RABGAP1L: variants seen among roughly 807,000 people sequenced by gnomAD.
RABGAP1L encodes the protein rab GTPase-activating protein 1-like.
In RABGAP1L, 63 loss-of-function variants were observed where a neutral mutation model predicts 137.7. The ratio of observed to expected loss-of-function variants is 0.46; its 90% CI spans 0.37 to 0.56. RABGAP1L has a LOEUF of 0.56. Ranked by LOEUF, RABGAP1L falls within the 20% of genes least tolerant of loss-of-function variation. The probability of loss-of-function intolerance (pLI) is 0.00; values close to 1 mark genes in which losing one functional copy is unlikely to be tolerated. For missense variants in RABGAP1L, 1,095 were observed against 1,244.0 expected (o/e 0.88, Z 1.80); for synonymous variants, 431 against 433.7 (o/e 0.99, Z 0.08).
intron 19 of RABGAP1L, among the ~76,000 whole-genome samples, chr1:174,834,712 A>G (rs963501320): frequency 2.2e-4 from 33 of 150,980 alleles, no homozygotes; most frequent in Admixed American, 1.9e-3. Flanking sequence ...TATATCAATT[A>G]TATTTTTATA....
intron 22 of RABGAP1L, among the ~76,000 whole-genome samples, chr1:174,977,288 T>C (rs1670729037): frequency 6.6e-6 from 1 of 152,224 alleles, no homozygotes; most frequent in African/African-American, 2.4e-5. Context: ...TATATATTTC[T>C]TACCTACTCA....
rs73038679 is a variant in RABGAP1L at position 174,419,677 on chromosome 1, T to C, written c.1710+25532T>C. On this transcript the variant is annotated intron_variant, in intron 13 of 25. Transcript: ENST00000681986. ...CAAAAGAATATTATGTAAATAAATA[T>C]AAAATGAACTATGAAAGTGAGCTAA... Among the ~76,000 whole-genome samples, 808 of 152,314 alleles carry C rather than the reference T, an allele frequency of 5.3e-3. 10 individuals are homozygous for C. Among genetic ancestry groups the C allele is most frequent in the African/African-American group, 0.018 (767 of 41,578 alleles).
chr1:174,233,714 T>A (rs372874142), intron 4 of RABGAP1L, among the ~76,000 whole-genome samples: 1 of 129,222 alleles, frequency 7.7e-6, no homozygotes, highest in East Asian at 2.0e-4. Context: ...TGAATAATGC[T>A]GCAATAAACA....
chr1:174,979,806 C>A (rs2149383591), intron 23 of RABGAP1L, among the ~76,000 whole-genome samples: 1 of 152,298 alleles, frequency 6.6e-6, no homozygotes, highest in East Asian at 1.9e-4. Context: ...TCCTGTCCTT[C>A]CTGTTGGCTG....
At chr1:174,629,409 T>G (rs915135084) in intron 13 of RABGAP1L, among the ~76,000 whole-genome samples, 4 of 152,236 alleles carry the variant, frequency 2.6e-5, no homozygotes, top group African/African-American at 9.6e-5. Context: ...ATACCTTATT[T>G]AGTCTATAAA....
intron 19 of RABGAP1L, among the ~76,000 whole-genome samples, chr1:174,824,481 C>G (rs2148895303): frequency 6.6e-6 from 1 of 152,052 alleles, no homozygotes; most frequent in South Asian, 2.1e-4. Context: ...GGCGACAGAG[C>G]AAGACTCTGT....
intron 13 of RABGAP1L, among the ~76,000 whole-genome samples, chr1:174,497,831 A>G (rs1052087247): frequency 6.6e-6 from 1 of 152,226 alleles, no homozygotes; most frequent in Non-Finnish European, 1.5e-5. Flanking sequence ...GAAGAAACTG[A>G]TTAGCTACTT....
chr1:174,490,364 A>G (rs1374028599), intron 13 of RABGAP1L, among the ~76,000 whole-genome samples: 1 of 152,094 alleles, frequency 6.6e-6, no homozygotes. Flanking sequence ...CTTAGATAAG[A>G]TCTGGAAGAG....
intron 10 of RABGAP1L, among the ~76,000 whole-genome samples, chr1:174,304,242 T>C (rs1007866466): frequency 2.0e-5 from 3 of 152,126 alleles, no homozygotes; most frequent in Non-Finnish European, 4.4e-5. Context: ...ATTTTTCCAA[T>C]GTTGAACCAG....
At position 174,637,464 on chromosome 1, in the gene RABGAP1L, A is replaced by G. The variant is rs61747504; in HGVS notation, c.1800A>G (p.Gln600=). 8,558 of 1,608,372 alleles carry G rather than the reference A, an allele frequency of 5.3e-3. 35 individuals carry two copies. The highest frequency in any genetic ancestry group is 6.4e-3 in the Admixed American group (383 of 60,014). ...DYFKDTGGDG[Q]ESLYKICKAY... is the part of the protein sequence containing the mutation. ...TTAAAGATACTGGAGGAGATGGTCA[A>G]GAATCGCTCTATAAGATCTGCAAGG... Residue 600 remains glutamine, a synonymous_variant, in exon 14 of 26, where the codon CAA becomes CAG. Transcript: ENST00000681986.
At chr1:174,179,544 GCACACACACACACACACACACA>G (rs56839600) in intron 1 of RABGAP1L, among the ~76,000 whole-genome samples, 1 of 147,152 alleles carries the variant, frequency 6.8e-6, no homozygotes, top group African/African-American at 2.5e-5. Context: ...CTTAGCACGT[GCACACACACACACACACACACA>G]CACACACACA....
intron 19 of RABGAP1L, among the ~76,000 whole-genome samples, chr1:174,835,851 A>T (rs533025631): frequency 6.7e-6 from 1 of 150,252 alleles, no homozygotes; most frequent in East Asian, 1.9e-4. Flanking sequence ...CTGGTTATGT[A>T]AAAAAAAAAT....
Position 174,961,281 on chromosome 1 carries a change from A to G in RABGAP1L, c.2433+3732A>G, listed in dbSNP as rs182498422. On this transcript the variant is annotated intron_variant, in intron 20 of 25. Transcript: ENST00000681986. Reference sequence around the variant, plus strand: ...TCATTTTTATACAGGTTCCCAGAAGACACACATTTATCAATATGTGTAGCT... The same window carrying G: ...TCATTTTTATACAGGTTCCCAGAAGGCACACATTTATCAATATGTGTAGCT... Among the ~76,000 whole-genome samples, 18 of 152,320 alleles carry G rather than the reference A, an allele frequency of 1.2e-4. No individual in the cohort carries two copies. In the East Asian group the frequency reaches 3.3e-3, roughly 28 times the overall value.
At position 174,549,619 on chromosome 1, in the gene RABGAP1L, G is replaced by A. The variant is rs6666428; in HGVS notation, c.1711-87756G>A. Among the ~76,000 whole-genome samples, 583 of 152,298 alleles carry A rather than the reference G, an allele frequency of 3.8e-3. 5 individuals carry two copies. The highest frequency in any genetic ancestry group is 0.012 in the African/African-American group (502 of 41,562). On this transcript the variant is annotated intron_variant, in intron 13 of 25. Coordinates refer to ENST00000681986, the MANE Select transcript of RABGAP1L (RefSeq NM_001366446.1). ...CTTGAGATCTCAAGAAATGGAACAA[G>A]CTGAAGAAGTAAAACTATTGAAAAG...
intron 19 of RABGAP1L, among the ~76,000 whole-genome samples, chr1:174,863,799 G>A (rs1196482391): frequency 6.6e-6 from 1 of 152,036 alleles, no homozygotes; most frequent in African/African-American, 2.4e-5. Context: ...GGCCAACATG[G>A]TGAAACCCTG....
chr1:174,447,820 CCAGAGGAAA>C (rs1201476239), intron 13 of RABGAP1L, among the ~76,000 whole-genome samples: 1 of 151,978 alleles, frequency 6.6e-6, no homozygotes, highest in African/African-American at 2.4e-5. Flanking sequence ...TTTGAGGGCA[CCAGAGGAAA>C]CTAATTAGTG....
intron 14 of RABGAP1L, among the ~76,000 whole-genome samples, chr1:174,669,950 T>G (rs995645256): frequency 6.6e-6 from 1 of 152,206 alleles, no homozygotes; most frequent in Admixed American, 6.5e-5. Flanking sequence ...GAAGATTGTT[T>G]TGGCTATTCA....
intron 18 of RABGAP1L, among the ~76,000 whole-genome samples, chr1:174,764,441 G>T (rs1685499044): frequency 6.6e-6 from 1 of 152,116 alleles, no homozygotes; most frequent in African/African-American, 2.4e-5. Flanking sequence ...TAAGTATGTT[G>T]TAAGGCCTAA....
chr1:174,640,400 G>C (rs137990760), intron 14 of RABGAP1L, among the ~76,000 whole-genome samples: 217 of 152,036 alleles, frequency 1.4e-3, no homozygotes, highest in African/African-American at 5.0e-3. Context: ...TATCCAATTT[G>C]AACCACAGTC....
Sources: allele counts gnomAD v4.1 joint callset (sites outside exome capture counted in the v4.1 genomes callset), GRCh38; gene constraint gnomAD v4.1.1; transcripts MANE v1.5; gene names NCBI Gene and HGNC (gene_info 2026-07-23, HGNC 2026-07-21).